EFCAB8: variants seen among roughly 807,000 people sequenced by gnomAD.
EFCAB8 encodes EF-hand calcium-binding domain-containing protein 8.
EFCAB8 carries 100 observed loss-of-function variants against 116.3 expected under a neutral mutation model. The ratio of observed to expected loss-of-function variants is 0.86; its 90% CI spans 0.73 to 1.02. The LOEUF (loss-of-function observed/expected upper bound fraction) is 1.02. EFCAB8 is among the 50% of genes least tolerant of loss of function. The pLI is 0.00. For missense variants in EFCAB8, 1,320 were observed against 1,416.9 expected, an observed-to-expected ratio of 0.93 and a Z score of 1.10; for synonymous variants, 558 against 567.9, an observed-to-expected ratio of 0.98 and a Z score of 0.25.
chr20:32,872,993 G>A (rs1210554884), intron 3 of EFCAB8, among the ~76,000 whole-genome samples: 9 of 151,516 alleles, frequency 5.9e-5, no homozygotes, highest in African/African-American at 1.5e-4. Context: ...TTGGGAGGCC[G>A]AGGCAGGGAG....
At chr20:32,912,430 C>CAAA (rs762528188) in intron 16 of EFCAB8, among the ~76,000 whole-genome samples, 1,589 of 81,518 alleles carry the variant, frequency 0.019, 47 homozygotes, top group African/African-American at 0.088. Context: ...GAAACTCTGT[C>CAAA]AAAAAAAAAA....
At chr20:32,932,116 T>C (rs189295914) in intron 22 of EFCAB8, among the ~76,000 whole-genome samples, 4 of 152,080 alleles carry the variant, frequency 2.6e-5, no homozygotes, top group Non-Finnish European at 5.9e-5. Flanking sequence ...CGGTGGCTCA[T>C]GCCTGTAATC....
At chr20:32,959,551 G>C (rs1201998168) in intron 24 of EFCAB8, among the ~76,000 whole-genome samples, 1 of 152,210 alleles carries the variant, frequency 6.6e-6, no homozygotes, top group African/African-American at 2.4e-5. Flanking sequence ...TGGTGGAGAG[G>C]ACAGAGTGGT....
At chr20:32,865,578 AC>A (rs1354371722) in intron 2 of EFCAB8, among the ~76,000 whole-genome samples, 1 of 151,966 alleles carries the variant, frequency 6.6e-6, no homozygotes, top group African/African-American at 2.4e-5. Context: ...CAGGAGGATC[AC>A]CTGAGGTCAG....
intron 3 of EFCAB8, 116 bp from the exon 4 acceptor site, chr20:32,875,810 T>G: frequency 1.1e-6 from 1 of 870,584 alleles, no homozygotes; most frequent in Non-Finnish European, 1.8e-6. Context: ...CGCCTGGCCG[T>G]AGATGTGGTC....
At chr20:32,958,352 A>T (rs571854589) in intron 23 of EFCAB8, 69 bp from the exon 24 acceptor site, 250 of 414,486 alleles carry the variant, frequency 6.0e-4, no homozygotes, top group African/African-American at 4.6e-3. Flanking sequence ...AAGGGAGAGG[A>T]TAAGGGGCAG....
At chr20:32,869,096 G>C (rs1198624960) in intron 3 of EFCAB8, among the ~76,000 whole-genome samples, 1 of 152,178 alleles carries the variant, frequency 6.6e-6, no homozygotes, top group African/African-American at 2.4e-5. Context: ...CCTTGCCCCT[G>C]TGTGACTGAG....
chr20:32,961,305 C>G lies in EFCAB8; in HGVS notation c.3563C>G (p.Thr1188Ser). Residue 1188 changes from threonine (T) to serine (S), a missense_variant, in exon 27 of 27, where the codon ACC becomes AGC. Coordinates refer to ENST00000400522, the MANE Select transcript of EFCAB8 (RefSeq NM_001143967.2). ...AGCAGGGAGCAGGCTGTGCTGGATACCACGGACAGCACGCCTGCGGCCGCC... is the reference window on the plus strand; with the variant it reads ...AGCAGGGAGCAGGCTGTGCTGGATAGCACGGACAGCACGCCTGCGGCCGCC... ...VPSREQAVLD[T>S]TDSTPAAASS... 1 of 1,527,306 alleles carries G rather than the reference C, an allele frequency of 6.5e-7. No homozygotes were observed. The highest frequency in any genetic ancestry group is 8.8e-7 in the Non-Finnish European group (1 of 1,136,498). The allele number at this position is 1,527,306 out of a possible 1,614,324, so 94.6% of individuals were successfully genotyped here. A position where few individuals can be genotyped will look rare whatever the true frequency, so the allele number is the denominator to read the frequency against.
Position 32,889,363 on chromosome 20 carries a change from C to A in EFCAB8, c.630C>A (p.His210Gln), listed in dbSNP as rs917772878. Residue 210 changes from histidine to glutamine, a missense_variant, in exon 7 of 27, where the codon CAC becomes CAA. His to Gln is a conservative substitution (Grantham distance 24). Coordinates refer to ENST00000400522, the MANE Select transcript of EFCAB8 (RefSeq NM_001143967.2). Reference protein sequence around the residue: ...PMWVIDMVCLHNMNLVAVAST... With the variant: ...PMWVIDMVCLQNMNLVAVAST... Reference sequence around the variant, plus strand: ...GGGTCATTGACATGGTATGTCTGCACAATATGAACCTCGTTGCAGTTGCGT... The same window carrying A: ...GGGTCATTGACATGGTATGTCTGCAAAATATGAACCTCGTTGCAGTTGCGT... The A allele has an allele frequency of 2.6e-6, 4 of 1,551,720 alleles. No individual in the cohort carries two copies. Among genetic ancestry groups the A allele is most frequent in the Non-Finnish European group, 3.5e-6 (4 of 1,147,042 alleles).
chr20:32,898,171 A>G (rs984882529), intron 10 of EFCAB8, among the ~76,000 whole-genome samples: 1 of 152,212 alleles, frequency 6.6e-6, no homozygotes, highest in Non-Finnish European at 1.5e-5. Context: ...TGTGGCCTGG[A>G]CAGACTTGAA....
intron 9 of EFCAB8, among the ~76,000 whole-genome samples, chr20:32,895,702 G>A (rs1439627785): frequency 1.3e-5 from 2 of 151,816 alleles, no homozygotes; most frequent in Non-Finnish European, 2.9e-5. Context: ...CTCCTGAGTA[G>A]CTGTGATTAC....
chr20:32,926,660 C>T (rs199586896), intron 20 of EFCAB8, among the ~76,000 whole-genome samples: 4 of 126,830 alleles, frequency 3.2e-5, no homozygotes, highest in Non-Finnish European at 6.7e-5. Context: ...TCCCTCCCCC[C>T]TCCCCCGACC....
In EFCAB8 at chr20:32,930,633, A is replaced by G; in HGVS notation, c.2631+17A>G. The G allele has an allele frequency of 1.3e-6, 2 of 1,549,424 alleles. No individual in the cohort carries two copies. The highest frequency in any genetic ancestry group is 1.2e-5 in the South Asian group (1 of 83,996). ...TACATCAAGGTGAGGAAGAACTGGC[A>G]GGAAGATTGAGGGGCTGGTGCCAGC... On this transcript the variant is annotated intron_variant, in intron 21 of 26. Coordinates refer to ENST00000400522, the MANE Select transcript of EFCAB8 (RefSeq NM_001143967.2).
chr20:32,944,154 A>G (rs1339586900), intron 23 of EFCAB8, among the ~76,000 whole-genome samples: 1 of 152,224 alleles, frequency 6.6e-6, no homozygotes, highest in Non-Finnish European at 1.5e-5. Context: ...AAGTAAATAC[A>G]TACCCATATA....
chr20:32,925,050 G>A (rs1987618606), intron 20 of EFCAB8, among the ~76,000 whole-genome samples: 1 of 152,020 alleles, frequency 6.6e-6, no homozygotes, highest in Admixed American at 6.6e-5. Context: ...CTGGGGTAAG[G>A]ACACCAGACA....
At chr20:32,887,770 C>T (rs939543638) in intron 6 of EFCAB8, among the ~76,000 whole-genome samples, 2 of 152,244 alleles carry the variant, frequency 1.3e-5, no homozygotes, top group African/African-American at 2.4e-5. Context: ...ACATGCTACA[C>T]GAGTGCAGGA....
chr20:32,932,257 A>G (rs1009458929), intron 22 of EFCAB8, among the ~76,000 whole-genome samples: 1 of 152,096 alleles, frequency 6.6e-6, no homozygotes, highest in Non-Finnish European at 1.5e-5. Flanking sequence ...CACGCCTGTA[A>G]TCCCAGCTAC....
intron 20 of EFCAB8, among the ~76,000 whole-genome samples, chr20:32,924,820 T>G (rs899349535): frequency 6.7e-6 from 1 of 149,866 alleles, no homozygotes; most frequent in Admixed American, 6.6e-5. Context: ...CTGGCAGGGC[T>G]GTGTGTGTGT....
At chr20:32,960,770 CT>C in intron 26 of EFCAB8, among the ~76,000 whole-genome samples, 1 of 152,348 alleles carries the variant, frequency 6.6e-6, no homozygotes, top group Admixed American at 6.5e-5. Flanking sequence ...CAGGGCCCCC[CT>C]GTCTCGGGCT....
Sources: gnomAD v4.1 joint callset for allele counts (sites outside exome capture counted in the v4.1 genomes callset) on GRCh38, gnomAD v4.1.1 for gene constraint, MANE v1.5 for transcripts, NCBI Gene and HGNC (gene_info 2026-07-23, HGNC 2026-07-21) for gene names.